The following GRIN2B variants were observed in gnomAD, a reference collection of about 807,000 sequenced individuals.
GRIN2B encodes the protein glutamate receptor ionotropic, NMDA 2B.
GRIN2B carries 5 observed loss-of-function variants against 114.5 expected under a neutral mutation model. The ratio of observed to expected loss-of-function variants is 0.04; its 90% CI spans 0.02 to 0.09. The LOEUF (loss-of-function observed/expected upper bound fraction) is 0.09. Ranked by LOEUF, GRIN2B falls within the 10% of genes least tolerant of loss-of-function variation. The pLI is 1.00. For synonymous variants in GRIN2B, 787 were observed against 745.1 expected (o/e 1.06, Z -0.92); for missense variants, 1,108 against 1,943.5 (o/e 0.57, Z 8.08).
At chr12:13,720,469 C>G (rs1950497788) in intron 4 of GRIN2B, among the ~76,000 whole-genome samples, 1 of 152,062 alleles carries the variant, frequency 6.6e-6, no homozygotes, top group Admixed American at 6.6e-5. Flanking sequence ...GTCTTTGTGA[C>G]TGTTCACCAA....
In GRIN2B at chr12:13,585,701, A is replaced by G. The variant is rs146039992; in HGVS notation, c.2011-13737T>C. Among the ~76,000 whole-genome samples, 378 of 152,334 alleles carry G rather than the reference A, an allele frequency of 2.5e-3. 3 individuals are homozygous for G. Among genetic ancestry groups the G allele is most frequent in the African/African-American group, 8.6e-3 (358 of 41,586 alleles). On this transcript the variant is annotated intron_variant, in intron 10 of 13. Coordinates refer to ENST00000609686, the MANE Select transcript of GRIN2B (RefSeq NM_000834.5). ...AGCCATTATGTTTCCCAGAACACTCATAGGCTATGAAACAGTTTGAGAAAT... is the reference window on the plus strand; with the variant it reads ...AGCCATTATGTTTCCCAGAACACTCGTAGGCTATGAAACAGTTTGAGAAAT...
intron 3 of GRIN2B, among the ~76,000 whole-genome samples, chr12:13,771,248 T>C (rs1374004171): frequency 1.3e-5 from 2 of 152,222 alleles, no homozygotes; most frequent in African/African-American, 4.8e-5. Flanking sequence ...TCTGCCATGA[T>C]TGTGAGGCCT....
intron 3 of GRIN2B, among the ~76,000 whole-genome samples, chr12:13,765,230 C>T (rs999895576): frequency 5.9e-5 from 9 of 152,212 alleles, no homozygotes; most frequent in African/African-American, 2.2e-4. Context: ...AGAACAGACA[C>T]TAACCAGAGT....
intron 5 of GRIN2B, among the ~76,000 whole-genome samples, chr12:13,628,821 T>C (rs544359914): frequency 7.9e-5 from 12 of 152,370 alleles, no homozygotes; most frequent in African/African-American, 2.4e-4. Flanking sequence ...CTGATAATTA[T>C]GAATGTGCTT....
chr12:13,784,083 G>T (rs1290382519), intron 3 of GRIN2B, among the ~76,000 whole-genome samples: 1 of 151,842 alleles, frequency 6.6e-6, no homozygotes, highest in Non-Finnish European at 1.5e-5. Flanking sequence ...AATTAGCCGG[G>T]CATGGTGGCA....
At chr12:13,968,438 G>A (rs1222867257) in intron 2 of GRIN2B, among the ~76,000 whole-genome samples, 6 of 152,202 alleles carry the variant, frequency 3.9e-5, no homozygotes, top group Admixed American at 2.6e-4. Flanking sequence ...AGATGAGGAA[G>A]TGAGTTCAGC....
At chr12:13,768,339 G>A (rs1316229622) in intron 3 of GRIN2B, among the ~76,000 whole-genome samples, 2 of 152,156 alleles carry the variant, frequency 1.3e-5, no homozygotes, top group Non-Finnish European at 2.9e-5. Context: ...CAGATCCTCT[G>A]TCTCTCTCAG....
intron 2 of GRIN2B, among the ~76,000 whole-genome samples, chr12:13,902,643 T>C (rs769328666): frequency 5.9e-5 from 9 of 152,048 alleles, no homozygotes; most frequent in Non-Finnish European, 1.2e-4. Flanking sequence ...AAACCCCGTC[T>C]CTACTGAAAA....
chr12:13,899,486 C>T (rs1866408712), intron 2 of GRIN2B, among the ~76,000 whole-genome samples: 1 of 113,712 alleles, frequency 8.8e-6, no homozygotes, highest in Non-Finnish European at 2.4e-5. Context: ...AAATAGGCAG[C>T]AATGTCCAGA....
chr12:13,699,978 T>G (rs1353605354), intron 4 of GRIN2B, among the ~76,000 whole-genome samples: 1 of 151,026 alleles, frequency 6.6e-6, no homozygotes, highest in Non-Finnish European at 1.5e-5. Context: ...CACCAGACCC[T>G]CAGACCACGT....
Position 13,538,687 on chromosome 12 carries a change from A to G in GRIN2B, c.*24096T>C, listed in dbSNP as rs1948239746. 6.6e-6 allele frequency: 1 copy of G among 152,014 alleles called. No individual in the cohort carries two copies. Among genetic ancestry groups the G allele is most frequent in the African/African-American group, 2.4e-5 (1 of 41,368 alleles). 9.4% of individuals were successfully genotyped at this position (152,014 alleles called of 1,614,324 possible). ...AAATCAGCCCAGTGTGGTGGTATGC[A>G]CCAGTAGTACCCAGCTACACAGGAG... is the stretch of plus-strand genomic sequence containing the variant. On this transcript the variant is annotated 3_prime_UTR_variant, in exon 14 of 14. Transcript: ENST00000609686.
rs1411745559 is a variant in GRIN2B, at chr12:13,540,822, G to A, written c.*21961C>T. ...GAAGGAGAGCCGGCCCCAGGGAGGA[G>A]TGTGGAGTCTGGGCCTCGCAGAGCT... is the stretch of plus-strand genomic sequence containing the variant. On this transcript the variant is annotated 3_prime_UTR_variant, in exon 14 of 14. Transcript: ENST00000609686. The A allele has an allele frequency of 6.6e-6, 1 of 152,254 alleles. No individual in the cohort carries two copies. Among genetic ancestry groups the A allele is most frequent in the East Asian group, 1.9e-4 (1 of 5,192 alleles). 9.4% of individuals were successfully genotyped at this position (152,254 alleles called of 1,614,324 possible).
rs1299270142 is a variant in GRIN2B at position 13,541,678 on chromosome 12, C to A, written c.*21105G>T. The stretch of plus-strand genomic sequence containing the variant: ...GGGAAAACGGCTGGCAGGATATGAC[C>A]ATGCTGAAGGGTTTGCCTTTATTAG... On this transcript the variant is annotated 3_prime_UTR_variant, in exon 14 of 14. Coordinates refer to ENST00000609686, the MANE Select transcript of GRIN2B (RefSeq NM_000834.5). 1 of 152,280 alleles carries A rather than the reference C, an allele frequency of 6.6e-6. No individual in the cohort carries two copies. The highest frequency in any genetic ancestry group is 1.5e-5 in the Non-Finnish European group (1 of 68,040). 9.4% of individuals were successfully genotyped at this position (152,280 alleles called of 1,614,324 possible).
chr12:13,659,391 C>T (rs929117604), intron 5 of GRIN2B, among the ~76,000 whole-genome samples: 1 of 152,138 alleles, frequency 6.6e-6, no homozygotes, highest in Non-Finnish European at 1.5e-5. Flanking sequence ...CATTCAGGCC[C>T]AAGATGACTG....
intron 2 of GRIN2B, among the ~76,000 whole-genome samples, chr12:13,867,634 T>C (rs1865848207): frequency 6.6e-6 from 1 of 152,222 alleles, no homozygotes; most frequent in African/African-American, 2.4e-5. Flanking sequence ...ATCTCTCTGA[T>C]CTTCATGGAC....
intron 3 of GRIN2B, among the ~76,000 whole-genome samples, chr12:13,812,781 G>A (rs1386177092): frequency 6.6e-6 from 1 of 152,084 alleles, no homozygotes; most frequent in Non-Finnish European, 1.5e-5. Context: ...TTAAAACCAT[G>A]AAACTATTTG....
intron 2 of GRIN2B, 73 bp from the exon 3 acceptor site, chr12:13,866,299 C>T (rs1591774768): frequency 5.3e-6 from 7 of 1,332,300 alleles, no homozygotes; most frequent in Non-Finnish European, 7.4e-6. Context: ...AGGCTAGATA[C>T]TGCAATTCAA....
intron 2 of GRIN2B, among the ~76,000 whole-genome samples, chr12:13,961,744 C>A (rs1334497941): frequency 6.6e-6 from 1 of 152,040 alleles, no homozygotes; most frequent in Non-Finnish European, 1.5e-5. Flanking sequence ...TTTAATCAAC[C>A]CACCACATCT....
intron 3 of GRIN2B, among the ~76,000 whole-genome samples, chr12:13,763,480 G>A (rs115149932): frequency 9.7e-4 from 148 of 152,282 alleles, no homozygotes; most frequent in African/African-American, 3.1e-3. Context: ...TACATTGGAC[G>A]GTCCATGAGA....
Sources: gnomAD v4.1 joint callset for allele counts (sites outside exome capture counted in the v4.1 genomes callset) on GRCh38, gnomAD v4.1.1 for gene constraint, MANE v1.5 for transcripts, NCBI Gene and HGNC (gene_info 2026-07-23, HGNC 2026-07-21) for gene names.